CCDC91: variants seen among roughly 807,000 people sequenced by gnomAD.
The protein encoded by CCDC91 is coiled-coil domain-containing protein 91.
Under a neutral mutation model 63.2 loss-of-function variants are expected in CCDC91, and 48 were observed. The ratio of observed to expected loss-of-function variants is 0.76; its 90% CI spans 0.60 to 0.97. The LOEUF (loss-of-function observed/expected upper bound fraction) is 0.97, where lower values mean the gene tolerates loss of function less well. Among genes scored for constraint, CCDC91 ranks in the 50% least tolerant of loss-of-function variants. The pLI, the probability that CCDC91 is intolerant of heterozygous loss-of-function variation, is 0.00. For synonymous variants in CCDC91, 167 were observed against 165.8 expected (o/e 1.01, Z -0.06); for missense variants, 500 against 494.6 (o/e 1.01, Z -0.10).
At chr12:28,394,732 C>CTCTCTCTCTCTCTCT (rs371886485) in intron 8 of CCDC91, among the ~76,000 whole-genome samples, 30 of 151,520 alleles carry the variant, frequency 2.0e-4, no homozygotes, top group South Asian at 4.2e-4. Context: ...CTCTCTCTCT[C>CTCTCTCTCTCTCTCT]CCCCTTTTTC....
chr12:28,407,253 T>C (rs1947010037), intron 8 of CCDC91, among the ~76,000 whole-genome samples: 1 of 152,200 alleles, frequency 6.6e-6, no homozygotes, highest in African/African-American at 2.4e-5. Flanking sequence ...ACTTTTCTTA[T>C]ACATTATCTA....
chr12:28,423,834 G>C (rs940632646), intron 8 of CCDC91, among the ~76,000 whole-genome samples: 1 of 152,072 alleles, frequency 6.6e-6, no homozygotes, highest in Non-Finnish European at 1.5e-5. Context: ...GATGAGAAGA[G>C]GTAGCCCCAG....
In CCDC91 at chr12:28,259,368, C is replaced by T. The variant is rs1183801525; in HGVS notation, c.35C>T (p.Ala12Val). The change falls in exon 3 of 13, where the codon GCG (alanine) becomes GTG (valine). Residue 12 changes from alanine (A) to valine (V), a missense_variant. Physicochemically the swap from Ala to Val is moderately conservative, Grantham distance 64. Coordinates refer to ENST00000536442, the MANE Select transcript of CCDC91 (RefSeq NM_018318.5). ...DDDDFGGFEA[A>V]ETFDGGSGET... ...AATCTTGCCTTTGTCTTGTAGGCTG[C>T]GGAGACTTTTGATGGTGGAAGTGGT... 4.3e-6 allele frequency: 7 copies of T among 1,609,966 alleles called. No individual in the cohort carries two copies. Among genetic ancestry groups the T allele is most frequent in the African/African-American group, 1.3e-5 (1 of 74,798 alleles).
intron 11 of CCDC91, among the ~76,000 whole-genome samples, chr12:28,473,526 G>T (rs762728529): frequency 1.3e-5 from 2 of 151,976 alleles, no homozygotes; most frequent in Non-Finnish European, 2.9e-5. Context: ...ATTGTCAATT[G>T]TTAACACATC....
At chr12:28,199,906 T>C (rs1375010495) in intron 1 of CCDC91, among the ~76,000 whole-genome samples, 4 of 152,208 alleles carry the variant, frequency 2.6e-5, no homozygotes, top group African/African-American at 9.6e-5. Context: ...TTATGATGTG[T>C]TACAGTGTGG....
chr12:28,405,294 T>C (rs1156665862), intron 8 of CCDC91, among the ~76,000 whole-genome samples: 1 of 152,144 alleles, frequency 6.6e-6, no homozygotes. Context: ...TACCTTACAA[T>C]ACTAAAGTAT....
At chr12:28,211,807 G>A (rs940853415) in intron 1 of CCDC91, among the ~76,000 whole-genome samples, 11 of 151,624 alleles carry the variant, frequency 7.3e-5, no homozygotes, top group African/African-American at 2.7e-4. Flanking sequence ...ATGAAACAAA[G>A]GGGTAGAATG....
At chr12:28,512,101 C>T (rs758393254) in intron 12 of CCDC91, among the ~76,000 whole-genome samples, 4 of 151,756 alleles carry the variant, frequency 2.6e-5, no homozygotes, top group Admixed American at 1.3e-4. Flanking sequence ...TTTGCCTACT[C>T]GGAACACTCA....
intron 8 of CCDC91, among the ~76,000 whole-genome samples, chr12:28,444,840 T>C (rs1949417825): frequency 8.7e-6 from 1 of 114,522 alleles, no homozygotes; most frequent in African/African-American, 4.6e-5. Context: ...ATAAAAGTTT[T>C]TCTTAAAGAT....
chr12:28,285,227 AG>A (rs151225003), intron 3 of CCDC91, among the ~76,000 whole-genome samples: 54 of 152,192 alleles, frequency 3.5e-4, no homozygotes, highest in African/African-American at 1.3e-3. Context: ...AGTTTTTCAG[AG>A]TTTCTCTGAA....
Position 28,497,717 on chromosome 12 carries a change from A to G in CCDC91, c.1215+13552A>G, listed in dbSNP as rs375932185. On this transcript the variant is annotated intron_variant, in intron 12 of 12. Transcript: ENST00000536442. ...AATTTTTGCATGTATAATGTGATTA[A>G]TACCTTGTACTAGGAGCATATTAAT... 4.0e-5 allele frequency among the ~76,000 whole-genome samples: 6 copies of G among 151,630 alleles called. No homozygotes were observed. In the East Asian group the frequency reaches 1.2e-3, roughly 29 times the overall value.
At chr12:28,289,307 T>G (rs1050492025) in intron 3 of CCDC91, among the ~76,000 whole-genome samples, 2 of 152,178 alleles carry the variant, frequency 1.3e-5, no homozygotes, top group Non-Finnish European at 2.9e-5. Context: ...AACTTCTTTT[T>G]GTGGACATTT....
rs189849179 is a variant in CCDC91 at position 28,363,662 on chromosome 12, T to C, written c.654+1147T>C. 8.1e-4 allele frequency among the ~76,000 whole-genome samples: 123 copies of C among 152,114 alleles called. No homozygotes were observed. The Middle Eastern group carries it at 0.021, about 25-fold the overall frequency. ...ACTTCGGGAGGCCGAGGCAGGTGGATCACAGGAGATCGAGACCATCCTGGC... is the reference window on the plus strand; with the variant it reads ...ACTTCGGGAGGCCGAGGCAGGTGGACCACAGGAGATCGAGACCATCCTGGC... On this transcript the variant is annotated intron_variant, in intron 7 of 12. Transcript: ENST00000536442.
intron 8 of CCDC91, among the ~76,000 whole-genome samples, chr12:28,401,955 A>C (rs536943706): frequency 1.3e-5 from 2 of 152,300 alleles, no homozygotes; most frequent in Non-Finnish European, 2.9e-5. Context: ...CTGCCAGTCT[A>C]TTCCAATACC....
intron 3 of CCDC91, among the ~76,000 whole-genome samples, chr12:28,271,190 C>T (rs1947746028): frequency 6.6e-6 from 1 of 151,980 alleles, no homozygotes; most frequent in Admixed American, 6.6e-5. Flanking sequence ...GCAGGGCTTA[C>T]AAAAAGCTTT....
chr12:28,211,211 A>G (rs1230190841), intron 1 of CCDC91, among the ~76,000 whole-genome samples: 1 of 151,776 alleles, frequency 6.6e-6, no homozygotes, highest in East Asian at 1.9e-4. Flanking sequence ...TGAACAGAGA[A>G]AAAGAGGCCA....
intron 8 of CCDC91, among the ~76,000 whole-genome samples, chr12:28,415,824 A>G (rs2139809607): frequency 6.6e-6 from 1 of 152,262 alleles, no homozygotes; most frequent in South Asian, 2.1e-4. Flanking sequence ...AATAAAGTGG[A>G]AAAAAGGCAA....
At chr12:28,537,274 T>C in intron 12 of CCDC91, among the ~76,000 whole-genome samples, 1 of 152,208 alleles carries the variant, frequency 6.6e-6, no homozygotes, top group East Asian at 1.9e-4. Flanking sequence ...AAATTTTCTT[T>C]CGTACATATA....
intron 12 of CCDC91, among the ~76,000 whole-genome samples, chr12:28,523,393 C>T (rs887177159): frequency 6.6e-6 from 1 of 152,138 alleles, no homozygotes; most frequent in Admixed American, 6.6e-5. Flanking sequence ...ACTAGGATTG[C>T]AACCCCTGCC....
Sources: allele counts gnomAD v4.1 joint callset (sites outside exome capture counted in the v4.1 genomes callset), GRCh38; gene constraint gnomAD v4.1.1; transcripts MANE v1.5; gene names NCBI Gene and HGNC (gene_info 2026-07-23, HGNC 2026-07-21).